Variants in BBS12 observed in about 807,000 individuals in gnomAD.
The protein encoded by BBS12 is Bardet-Biedl syndrome 12, also known as chaperonin-containing T-complex member BBS12.
BBS12 carries 5 observed loss-of-function variants against 5.6 expected under a neutral mutation model. The observed-to-expected ratio is 0.89, with a 90% CI of 0.46 to 1.86. The LOEUF is 1.86. Ranked by LOEUF, BBS12 falls within the 40% of genes most tolerant of loss-of-function variation. The pLI is 0.01. For missense variants in BBS12, 748 were observed against 830.4 expected (o/e 0.90, Z 1.22); for synonymous variants, 308 against 306.8 (o/e 1.00, Z -0.04).
At chr4:122,740,418 T>G (rs1578488488) in intron 1 of BBS12, among the ~76,000 whole-genome samples, 1 of 152,232 alleles carries the variant, frequency 6.6e-6, no homozygotes, top group East Asian at 1.9e-4. Flanking sequence ...CCACATACCT[T>G]TCCCATTGAA....
chr4:122,718,973 C>A, the BBS12 span, among the ~76,000 whole-genome samples: 2 of 152,242 alleles, frequency 1.3e-5, no homozygotes, highest in African/African-American at 2.4e-5. Flanking sequence ...GCGCCCACCA[C>A]CATGCCCGGC....
the BBS12 span, among the ~76,000 whole-genome samples, chr4:122,714,333 T>C: frequency 6.6e-6 from 1 of 152,224 alleles, no homozygotes; most frequent in Non-Finnish European, 1.5e-5. Context: ...GCTTGTTTAA[T>C]CTACTCAGTC....
In BBS12 at chr4:122,741,992, A is replaced by T; in HGVS notation, c.100A>T (p.Lys34Ter). ...AGGAAGAACTTTCCTAGGCCCACTAAAATCATCCAAATTTATTATAGATGA... is the reference window on the plus strand; with the variant it reads ...AGGAAGAACTTTCCTAGGCCCACTATAATCATCCAAATTTATTATAGATGA... Reference protein sequence around the residue: ...ETGRTFLGPLKSSKFIIDEEC... With the variant: ...ETGRTFLGPL Residue 34 changes from lysine to a stop codon, truncating the protein, a stop_gained, in exon 2 of 2, where the codon AAA becomes TAA. Transcript: ENST00000314218. LOFTEE classifies it low-confidence loss of function (END_TRUNC). 1 of 1,613,504 alleles carries T rather than the reference A, an allele frequency of 6.2e-7. No individual in the cohort carries two copies. Among genetic ancestry groups the T allele is most frequent in the Non-Finnish European group, 8.5e-7 (1 of 1,179,566 alleles).
chr4:122,737,165 TA>T (rs1360828453), intron 1 of BBS12, among the ~76,000 whole-genome samples: 1 of 152,126 alleles, frequency 6.6e-6, no homozygotes, highest in Admixed American at 6.5e-5. Context: ...TTAAGCATAG[TA>T]TAGAAAGGAG....
chr4:122,712,035 C>T, the BBS12 span, among the ~76,000 whole-genome samples: 10 of 152,218 alleles, frequency 6.6e-5, no homozygotes, highest in Non-Finnish European at 1.2e-4. Context: ...ACCAGAACTC[C>T]AGGTTCACCA....
intron 1 of BBS12, among the ~76,000 whole-genome samples, chr4:122,733,696 G>A (rs1024425437): frequency 1.3e-5 from 2 of 152,142 alleles, no homozygotes; most frequent in African/African-American, 4.8e-5. Flanking sequence ...TGACTTCCTG[G>A]TGGGAATGAA....
intron 1 of BBS12, among the ~76,000 whole-genome samples, chr4:122,738,729 A>G (rs1800822487): frequency 6.6e-6 from 1 of 152,240 alleles, no homozygotes; most frequent in Admixed American, 6.5e-5. Flanking sequence ...TCCAAAAAAG[A>G]TACACAAATG....
At position 122,743,732 on chromosome 4, in the gene BBS12, G is replaced by C. The variant is rs1800934088; in HGVS notation, c.1840G>C (p.Glu614Gln). ...CACTGCCAATTACTCATCAGAATTT[G>C]AAGCCAGCACATACATTCAACATCA... ...YNTANYSSEFEASTYIQHHLQ... is the reference protein window; with the variant it reads ...YNTANYSSEFQASTYIQHHLQ... Residue 614 changes from glutamate (E) to glutamine (Q), a missense_variant, in exon 2 of 2, where the codon GAA becomes CAA. Glu to Gln is a conservative substitution (Grantham distance 29, BLOSUM62 2). Coordinates refer to ENST00000314218, the MANE Select transcript of BBS12 (RefSeq NM_152618.3). 6 of 1,614,162 alleles carry C rather than the reference G, an allele frequency of 3.7e-6. No homozygotes were observed. Among genetic ancestry groups the C allele is most frequent in the Non-Finnish European group, 5.1e-6 (6 of 1,180,028 alleles).
chr4:122,707,943 C>CCCTTCCTTCCATCCTTCCTTCCTTCCTT, the BBS12 span, among the ~76,000 whole-genome samples: 1 of 143,234 alleles, frequency 7.0e-6, no homozygotes, highest in Admixed American at 7.1e-5. Flanking sequence ...ACACTCCTTT[C>CCCTTCCTTCCATCCTTCCTTCCTTCCTT]CCTTCCTTCC....
chr4:122,706,159 G>GGA, the BBS12 span, among the ~76,000 whole-genome samples: 828 of 152,116 alleles, frequency 5.4e-3, 4 homozygotes, highest in South Asian at 0.011. Flanking sequence ...TCATGGACTT[G>GGA]GAGTCTGCTC....
chr4:122,740,873 T>C (rs991351081), intron 1 of BBS12, among the ~76,000 whole-genome samples: 1 of 152,204 alleles, frequency 6.6e-6, no homozygotes, highest in Non-Finnish European at 1.5e-5. Context: ...ATAATGACTA[T>C]GAAATAGCTT....
the BBS12 span, among the ~76,000 whole-genome samples, chr4:122,724,428 A>T: frequency 6.6e-6 from 1 of 152,190 alleles, no homozygotes; most frequent in African/African-American, 2.4e-5. Flanking sequence ...ATATGCTTGA[A>T]TTTGTTTTGG....
chr4:122,743,153 C>A lies in BBS12; in HGVS notation c.1261C>A (p.Arg421Ser), dbSNP rs199596849. 8.4e-5 allele frequency: 136 copies of A among 1,614,088 alleles called. No homozygotes were observed. The highest frequency in any genetic ancestry group is 1.1e-4 in the Non-Finnish European group (125 of 1,180,050). Residue 421 changes from arginine (R) to serine (S), a missense_variant, in exon 2 of 2, where the codon CGC becomes AGC. Coordinates refer to ENST00000314218, the MANE Select transcript of BBS12 (RefSeq NM_152618.3). ...LVLVQGNVSE[R>S]LIEKCINSKR... ...CCTGGTACAAGGAAATGTGTCCGAACGCTTAATTGAAAAATGTATAAACAG... is the reference window on the plus strand; with the variant it reads ...CCTGGTACAAGGAAATGTGTCCGAAAGCTTAATTGAAAAATGTATAAACAG...
rs1800882823 is a variant in BBS12 at position 122,742,084 on chromosome 4, T to G, written c.192T>G (p.Ser64Arg). Residue 64 changes from serine to arginine, a missense_variant, in exon 2 of 2, where the codon AGT becomes AGG. Coordinates refer to ENST00000314218, the MANE Select transcript of BBS12 (RefSeq NM_152618.3). Reference sequence around the variant, plus strand: ...TTCTTGAAAGTTTGGATTTAACCAGTGCAGTGGGACAACTTCTCAATGAAG... The same window carrying G: ...TTCTTGAAAGTTTGGATTTAACCAGGGCAGTGGGACAACTTCTCAATGAAG... Reference protein sequence around the residue: ...VRLLESLDLTSAVGQLLNEAV... With the variant: ...VRLLESLDLTRAVGQLLNEAV... The G allele has an allele frequency of 6.2e-7, 1 of 1,614,180 alleles. No individual in the cohort carries two copies. The highest frequency in any genetic ancestry group is 8.5e-7 in the Non-Finnish European group (1 of 1,180,024).
chr4:122,706,903 T>C, the BBS12 span, among the ~76,000 whole-genome samples: 2 of 152,188 alleles, frequency 1.3e-5, no homozygotes, highest in Non-Finnish European at 2.9e-5. Flanking sequence ...TAAACTTTTC[T>C]CTAACATTGG....
In BBS12 at chr4:122,742,129, C is replaced by A. The variant is rs373273487; in HGVS notation, c.237C>A (p.Asn79Lys). Residue 79 changes from asparagine (N) to lysine (K), a missense_variant, in exon 2 of 2, where the codon AAC becomes AAA. By Grantham distance (94) the Asn-to-Lys change is moderately conservative (BLOSUM62 0). Coordinates refer to ENST00000314218, the MANE Select transcript of BBS12 (RefSeq NM_152618.3). ...LLNEAVQAQN[N>K]TYRTGISTLL... ...ATGAAGCAGTTCAAGCACAAAACAA[C>A]ACATATAGAACTGGAATCAGTACTC... 7 of 1,614,096 alleles carry A rather than the reference C, an allele frequency of 4.3e-6. No individual in the cohort carries two copies. The highest frequency in any genetic ancestry group is 5.1e-6 in the Non-Finnish European group (6 of 1,180,028).
In BBS12 at chr4:122,742,934, G is replaced by A. The variant is rs1560707540; in HGVS notation, c.1042G>A (p.Glu348Lys). 1.2e-6 allele frequency: 2 copies of A among 1,614,164 alleles called. No homozygotes were observed. The highest frequency in any genetic ancestry group is 1.7e-6 in the Non-Finnish European group (2 of 1,180,010). Residue 348 changes from glutamate to lysine, a missense_variant, in exon 2 of 2, where the codon GAA (glutamate) becomes AAA (lysine). Physicochemically the swap from Glu to Lys is moderately conservative, Grantham distance 56. Transcript: ENST00000314218. ...AGTATCTAATAATCCTGTGATCAAG[G>A]AATTGCAGAATCAGCCTGTGCGAAT... Reference protein sequence around the residue: ...VSVSNNPVIKELQNQPVRIVL... With the variant: ...VSVSNNPVIKKLQNQPVRIVL...
At chr4:122,716,395 G>A in the BBS12 span, among the ~76,000 whole-genome samples, 1 of 151,882 alleles carries the variant, frequency 6.6e-6, no homozygotes, top group Non-Finnish European at 1.5e-5. Flanking sequence ...ATTGACTAGA[G>A]TTTGGTGAGT....
chr4:122,739,613 T>C (rs1259276195), intron 1 of BBS12, among the ~76,000 whole-genome samples: 2 of 152,224 alleles, frequency 1.3e-5, no homozygotes, highest in Non-Finnish European at 2.9e-5. Context: ...GCACAAACCT[T>C]TGTGTGGCCA....
Sources: gnomAD v4.1 joint callset for allele counts (sites outside exome capture counted in the v4.1 genomes callset) on GRCh38, gnomAD v4.1.1 for gene constraint, MANE v1.5 for transcripts, NCBI Gene and HGNC (gene_info 2026-07-23, HGNC 2026-07-21) for gene names.